Variants in EXOSC9 observed in about 807,000 individuals in gnomAD.
EXOSC9 encodes exosome complex component RRP45.
In EXOSC9, 38 loss-of-function variants were observed where a neutral mutation model predicts 56.5. That is an observed-to-expected ratio of 0.67 (90% CI 0.52 to 0.88). The LOEUF is 0.88. Among genes scored for constraint, EXOSC9 ranks in the 40% least tolerant of loss-of-function variants. EXOSC9 has a pLI of 0.00. For synonymous variants in EXOSC9, 170 were observed against 170.8 expected (o/e 0.99, Z 0.04); for missense variants, 559 against 530.5 (o/e 1.05, Z -0.53).
chr4:121,803,117 ATTGTACTGG>A (rs1375800180), intron 4 of EXOSC9, 100 bp downstream of exon 4: 1 of 828,096 alleles, frequency 1.2e-6, no homozygotes, highest in African/African-American at 1.7e-5. Flanking sequence ...TTAACTCAGT[ATTGTACTGG>A]TTTGCTTCAC....
At position 121,813,414 on chromosome 4, in the gene EXOSC9, A is replaced by G. The variant is rs76912767; in HGVS notation, c.974+34A>G. ...ATTTGGTGGTTTTTGCAGTAACAAG[A>G]TTCATAACACTTGGCATTATAATAT... On this transcript the variant is annotated intron_variant, in intron 9 of 11. Transcript: ENST00000243498. The G allele has an allele frequency of 2.8e-3, 4,430 of 1,587,222 alleles. 8 individuals are homozygous for G. The highest frequency in any genetic ancestry group is 3.5e-3 in the Non-Finnish European group (4,116 of 1,160,374).
Position 121,813,240 on chromosome 4 carries a change from A to C in EXOSC9, c.834A>C (p.Glu278Asp). 1 of 1,608,646 alleles carries C rather than the reference A, an allele frequency of 6.2e-7. No homozygotes were observed. Among genetic ancestry groups the C allele is most frequent in the Non-Finnish European group, 8.5e-7 (1 of 1,177,038 alleles). The change falls in exon 9 of 12, where the codon GAA becomes GAC. Residue 278 changes from glutamate (E) to aspartate (D), a missense_variant. Physicochemically the swap from Glu to Asp is conservative, Grantham distance 45. Coordinates refer to ENST00000243498, the MANE Select transcript of EXOSC9 (RefSeq NM_005033.3). The stretch of plus-strand genomic sequence containing the variant: ...AAAAAACCCCCACATACAGGAAAGA[A>C]GGTGGAAAGTTTGGTTTTGCAGAGT... ...ALENDQKVRK[E>D]GGKFGFAESI... is the part of the protein sequence containing the mutation.
At position 121,816,791 on chromosome 4, in the gene EXOSC9, A is replaced by G. The variant is rs559300681; in HGVS notation, c.1255A>G (p.Lys419Glu). 1 of 1,600,480 alleles carries G rather than the reference A, an allele frequency of 6.2e-7. No individual in the cohort carries two copies. The highest frequency in any genetic ancestry group is 2.2e-5 in the East Asian group (1 of 44,626). Residue 419 changes from lysine (K) to glutamate (E), a missense_variant, in exon 12 of 12, where the codon AAA becomes GAA. Physicochemically the swap from Lys to Glu is moderately conservative, Grantham distance 56. Transcript: ENST00000243498. ...KKIRTQTTSA[K>E]QEKAPSKKPV... is the part of the protein sequence containing the mutation. ...TCACAGAACACAGACCACCAGTGCA[A>G]AACAAGAAAAAGCACCAAGTAAAAA... is the stretch of plus-strand genomic sequence containing the variant.
chr4:121,816,002 C>A, intron 10 of EXOSC9: 1 of 1,220,116 alleles, frequency 8.2e-7, no homozygotes, highest in Non-Finnish European at 1.0e-6. Context: ...TGGAGTCTTG[C>A]TCTGTCACCC....
chr4:121,816,653 C>A, intron 11 of EXOSC9, 119 bp from the exon 12 acceptor site: 1 of 1,016,704 alleles, frequency 9.8e-7, no homozygotes, highest in South Asian at 2.0e-5. Flanking sequence ...TCTTGGATGC[C>A]AGTCTTACTC....
intron 7 of EXOSC9, among the ~76,000 whole-genome samples, chr4:121,811,183 T>C (rs1156469912): frequency 3.3e-5 from 5 of 152,202 alleles, no homozygotes; most frequent in South Asian, 2.1e-4. Context: ...GATATAAATA[T>C]ATTGCACAGT....
chr4:121,811,651 G>A lies in EXOSC9; in HGVS notation c.807G>A (p.Leu269=). 6.4e-7 allele frequency: 1 copy of A among 1,571,222 alleles called. No homozygotes were observed. The highest frequency in any genetic ancestry group is 1.8e-5 in the Admixed American group (1 of 55,814). ...TTACAGAGCTAATATTGAAAGCTTT[G>A]GAGAATGACCAAAAAGTAAGGTAAG... ...AEITELILKA[L]ENDQKVRKEG... The change falls in exon 8 of 12, where the codon TTG becomes TTA. Residue 269 remains leucine (L), a synonymous_variant. Transcript: ENST00000243498.
At chr4:121,813,092 G>C in intron 8 of EXOSC9, 142 bp from the exon 9 acceptor site, 2 of 728,654 alleles carry the variant, frequency 2.7e-6, no homozygotes, top group South Asian at 4.6e-5. Context: ...AAATTGGTGA[G>C]GTTAAGTTAG....
At chr4:121,816,577 A>G (rs1724521907) in intron 11 of EXOSC9, 130 bp downstream of exon 11, 6 of 805,746 alleles carry the variant, frequency 7.4e-6, no homozygotes, top group African/African-American at 3.6e-5. Context: ...TTAGAGATCC[A>G]TCTGTTCTGT....
In EXOSC9 at chr4:121,816,423, C is replaced by T. The variant is rs1380817225; in HGVS notation, c.1211C>T (p.Pro404Leu). The T allele has an allele frequency of 4.4e-6, 7 of 1,576,466 alleles. No individual in the cohort carries two copies. The highest frequency in any genetic ancestry group is 6.0e-6 in the Non-Finnish European group (7 of 1,162,060). The change falls in exon 11 of 12, where the codon CCA becomes CTA. Residue 404 changes from proline to leucine, a missense_variant. Physicochemically the swap from Pro to Leu is moderately conservative, Grantham distance 98. Coordinates refer to ENST00000243498, the MANE Select transcript of EXOSC9 (RefSeq NM_005033.3). ...GAAGAAGAAATGATCATTTTGGAAC[C>T]AGACAAGAATCCAAAGAAAATAAGG... is the stretch of plus-strand genomic sequence containing the variant. ...SEEEEMIILE[P>L]DKNPKKIRTQ... is the part of the protein sequence containing the mutation.
chr4:121,814,059 T>G lies in EXOSC9; in HGVS notation c.1156+12T>G, dbSNP rs2149039263. Reference sequence around the variant, plus strand: ...TATTGGAAGCCAAGGTAGGTGACACTTTATGGCACACTTACTATATATTAC... The same window carrying G: ...TATTGGAAGCCAAGGTAGGTGACACGTTATGGCACACTTACTATATATTAC... On this transcript the variant is annotated intron_variant, in intron 10 of 11. Transcript: ENST00000243498. 1.3e-6 allele frequency: 2 copies of G among 1,504,908 alleles called. No homozygotes were observed. Among genetic ancestry groups the G allele is most frequent in the African/African-American group, 4.3e-5 (2 of 46,264 alleles). The allele number at this position is 1,504,908 out of a possible 1,614,324, so 93.2% of individuals were successfully genotyped here. A position where few individuals can be genotyped will look rare whatever the true frequency, so the allele number is the denominator to read the frequency against.
At chr4:121,814,721 T>A (rs1724422015) in intron 10 of EXOSC9, 1 of 152,206 alleles carries the variant, frequency 6.6e-6, no homozygotes, top group Non-Finnish European at 1.5e-5. Flanking sequence ...CACATGTGGC[T>A]AGTGGCTACC....
intron 11 of EXOSC9, 114 bp downstream of exon 11, chr4:121,816,561 T>C (rs1724520296): frequency 4.8e-6 from 4 of 828,048 alleles, no homozygotes; most frequent in Admixed American, 3.1e-5. Flanking sequence ...AGACATCCCT[T>C]TTTCATTAGA....
intron 2 of EXOSC9, 80 bp downstream of exon 2, chr4:121,802,001 C>A: frequency 1.0e-6 from 1 of 1,004,278 alleles, no homozygotes; most frequent in Non-Finnish European, 1.6e-6. Context: ...GTTTATAAAG[C>A]AGCTAAGAAG....
intron 7 of EXOSC9, 122 bp from the exon 8 acceptor site, chr4:121,811,461 A>T: frequency 1.9e-6 from 1 of 537,210 alleles, no homozygotes; most frequent in Non-Finnish European, 3.3e-6. Flanking sequence ...TTTACATTGT[A>T]TTCATGTTTG....
chr4:121,805,097 T>C (rs1433753444), intron 5 of EXOSC9, among the ~76,000 whole-genome samples: 1 of 152,210 alleles, frequency 6.6e-6, no homozygotes, highest in Non-Finnish European at 1.5e-5. Context: ...GTGAGATGCT[T>C]ACCCTGCAAG....
chr4:121,813,700 T>G lies in EXOSC9; in HGVS notation c.975-166T>G. The G allele has an allele frequency of 7.5e-6, 4 of 535,086 alleles. No individual in the cohort carries two copies. The East Asian group carries it at 8.7e-5, about 12-fold the overall frequency. 33.1% of individuals were successfully genotyped at this position (535,086 alleles called of 1,614,324 possible). The stretch of plus-strand genomic sequence containing the variant: ...TAAAATCTTGCCTGAGTTTTTTTTC[T>G]TCTTCATTGTTCAGCCATCCATAGT... On this transcript the variant is annotated intron_variant, in intron 9 of 11. Transcript: ENST00000243498.
At chr4:121,809,826 C>T in intron 6 of EXOSC9, 141 bp from the exon 7 acceptor site, 2 of 831,400 alleles carry the variant, frequency 2.4e-6, no homozygotes, top group Non-Finnish European at 2.0e-6. Flanking sequence ...TCTCTTTCCC[C>T]ATTTCAGTGA....
chr4:121,801,793 A>G, intron 1 of EXOSC9, 34 bp from the exon 2 acceptor site: 1 of 1,549,500 alleles, frequency 6.5e-7, no homozygotes, highest in Non-Finnish European at 8.9e-7. Context: ...TACTTGTTGA[A>G]GGAATAAATT....
Sources: gnomAD v4.1 joint callset for allele counts (sites outside exome capture counted in the v4.1 genomes callset) on GRCh38, gnomAD v4.1.1 for gene constraint, MANE v1.5 for transcripts, NCBI Gene and HGNC (gene_info 2026-07-23, HGNC 2026-07-21) for gene names.